RABGAP1L: variants seen among roughly 807,000 people sequenced by gnomAD.
The protein encoded by RABGAP1L is rab GTPase-activating protein 1-like.
Under a neutral mutation model 137.7 loss-of-function variants are expected in RABGAP1L, and 63 were observed. The observed-to-expected ratio is 0.46, with a 90% confidence interval of 0.37 to 0.56. The LOEUF (loss-of-function observed/expected upper bound fraction) is 0.56, where lower values mean the gene tolerates loss of function less well. Among genes scored for constraint, RABGAP1L ranks in the 20% least tolerant of loss-of-function variants. The pLI, the probability that RABGAP1L is intolerant of heterozygous loss-of-function variation, is 0.00. For missense variants in RABGAP1L, 1,095 were observed against 1,244.0 expected, an observed-to-expected ratio of 0.88 and a Z score of 1.80; for synonymous variants, 431 against 433.7, an observed-to-expected ratio of 0.99 and a Z score of 0.08.
chr1:174,532,545 AGT>A (rs927309454), intron 13 of RABGAP1L, among the ~76,000 whole-genome samples: 2 of 152,172 alleles, frequency 1.3e-5, no homozygotes, highest in African/African-American at 4.8e-5. Flanking sequence ...AAATATTGAG[AGT>A]ATTTAAACAC....
chr1:174,547,971 T>A, intron 13 of RABGAP1L: 1 of 1,550,552 alleles, frequency 6.4e-7, no homozygotes, highest in Admixed American at 2.0e-5. Context: ...TTACTTATAC[T>A]TTTTGTTTTA....
chr1:174,860,007 C>T (rs1650021730), intron 19 of RABGAP1L, among the ~76,000 whole-genome samples: 1 of 132,070 alleles, frequency 7.6e-6, no homozygotes, highest in Non-Finnish European at 1.5e-5. Flanking sequence ...ACTATCTAAG[C>T]TCACATGGTA....
chr1:174,941,538 C>T (rs1053021090), intron 19 of RABGAP1L, among the ~76,000 whole-genome samples: 12 of 152,218 alleles, frequency 7.9e-5, no homozygotes, highest in African/African-American at 2.2e-4. Context: ...CAGTGTCACC[C>T]GAGGCAGAGC....
At chr1:174,496,687 G>A (rs1660759143) in intron 13 of RABGAP1L, among the ~76,000 whole-genome samples, 1 of 152,194 alleles carries the variant, frequency 6.6e-6, no homozygotes, top group Admixed American at 6.5e-5. Context: ...AAGTGAACTA[G>A]CACGCGTGTC....
At chr1:174,230,791 C>A (rs2148505088) in intron 3 of RABGAP1L, among the ~76,000 whole-genome samples, 1 of 152,174 alleles carries the variant, frequency 6.6e-6, no homozygotes, top group South Asian at 2.1e-4. Context: ...AGTTTGGAGA[C>A]CAGAGGTTCT....
At chr1:174,889,662 T>G (rs1655794565) in intron 19 of RABGAP1L, among the ~76,000 whole-genome samples, 1 of 151,954 alleles carries the variant, frequency 6.6e-6, no homozygotes, top group South Asian at 2.1e-4. Context: ...AACTTCTGGC[T>G]TCAAGCAATC....
intron 18 of RABGAP1L, among the ~76,000 whole-genome samples, chr1:174,752,655 T>G (rs950784547): frequency 1.3e-5 from 2 of 152,242 alleles, no homozygotes; most frequent in East Asian, 3.9e-4. Flanking sequence ...GGTTAAAAAT[T>G]GTTTTCTGTC....
chr1:174,742,219 G>C (rs535239456), intron 17 of RABGAP1L, among the ~76,000 whole-genome samples: 11 of 151,318 alleles, frequency 7.3e-5, no homozygotes, highest in South Asian at 4.2e-4. Flanking sequence ...GAGGAAAGAA[G>C]AAGAAGAAAG....
rs73036635 is a variant in RABGAP1L, at chr1:174,264,295, A to T, written c.987-8119A>T. Among the ~76,000 whole-genome samples, 801 of 152,204 alleles carry T rather than the reference A, an allele frequency of 5.3e-3. 11 individuals are homozygous for T. Among genetic ancestry groups the T allele is most frequent in the African/African-American group, 0.018 (761 of 41,562 alleles). ...ACTACAAGAAACTTAATTCTTTTAT[A>T]ATATGAAATGTCCCTGCTTTTAAGG... On this transcript the variant is annotated intron_variant, in intron 7 of 25. Transcript: ENST00000681986.
At chr1:174,292,946 G>A (rs574493654) in intron 10 of RABGAP1L, among the ~76,000 whole-genome samples, 4 of 152,094 alleles carry the variant, frequency 2.6e-5, no homozygotes, top group Non-Finnish European at 5.9e-5. Context: ...TCTCTATTGA[G>A]GTGTAAGTGC....
At chr1:174,526,413 T>C in intron 13 of RABGAP1L, among the ~76,000 whole-genome samples, 1 of 152,154 alleles carries the variant, frequency 6.6e-6, no homozygotes, top group Admixed American at 6.6e-5. Flanking sequence ...TTGAGGAGGA[T>C]TGGTATTAGT....
At chr1:174,973,665 G>T (rs1011396170) in intron 21 of RABGAP1L, among the ~76,000 whole-genome samples, 2 of 151,966 alleles carry the variant, frequency 1.3e-5, no homozygotes, top group African/African-American at 2.4e-5. Flanking sequence ...GATTACAGGC[G>T]TGAGCCACCG....
intron 10 of RABGAP1L, among the ~76,000 whole-genome samples, chr1:174,284,013 G>A (rs1236324099): frequency 2.6e-5 from 4 of 152,046 alleles, no homozygotes; most frequent in Admixed American, 2.6e-4. Flanking sequence ...ATAGACTTAA[G>A]GTGTACAATG....
At chr1:174,444,697 C>T (rs1007959071) in intron 13 of RABGAP1L, among the ~76,000 whole-genome samples, 14 of 151,984 alleles carry the variant, frequency 9.2e-5, no homozygotes, top group African/African-American at 3.4e-4. Context: ...GGAATTTAGC[C>T]ATTTTTTCTA....
intron 13 of RABGAP1L, among the ~76,000 whole-genome samples, chr1:174,537,536 A>G (rs1322491192): frequency 1.3e-5 from 2 of 152,178 alleles, no homozygotes; most frequent in African/African-American, 4.8e-5. Context: ...TCTACAGGTA[A>G]TCTCAGAAGA....
At chr1:174,498,664 A>AT (rs371906339) in intron 13 of RABGAP1L, among the ~76,000 whole-genome samples, 13,605 of 133,410 alleles carry the variant, frequency 0.1, 816 homozygotes, top group East Asian at 0.23. Flanking sequence ...GCCCGGCTAA[A>AT]TTTTTTTTTT....
chr1:174,906,316 C>T (rs1257013278), intron 19 of RABGAP1L, among the ~76,000 whole-genome samples: 2 of 152,050 alleles, frequency 1.3e-5, no homozygotes, highest in African/African-American at 4.8e-5. Flanking sequence ...CCATGCCTAG[C>T]CTAGAAAGCT....
intron 19 of RABGAP1L, chr1:174,874,621 T>G (rs2149065791): frequency 1.8e-6 from 1 of 555,166 alleles, no homozygotes; most frequent in South Asian, 8.3e-5. Context: ...AGTTGCGTGG[T>G]GTGAAGGCGA....
At chr1:174,243,483 C>G (rs1671999475) in intron 5 of RABGAP1L, among the ~76,000 whole-genome samples, 1 of 152,054 alleles carries the variant, frequency 6.6e-6, no homozygotes, top group East Asian at 1.9e-4. Flanking sequence ...TGACAGTGGT[C>G]ATTAAACCTT....
Sources: gnomAD v4.1 joint callset for allele counts (sites outside exome capture counted in the v4.1 genomes callset) on GRCh38, gnomAD v4.1.1 for gene constraint, MANE v1.5 for transcripts, NCBI Gene and HGNC (gene_info 2026-07-23, HGNC 2026-07-21) for gene names.